Variants in SLC45A1 observed in about 807,000 individuals in gnomAD.
SLC45A1 encodes proton-associated sugar transporter A.
In SLC45A1, 28 loss-of-function variants were observed where a neutral mutation model predicts 57.6. The ratio of observed to expected loss-of-function variants is 0.49; its 90% CI spans 0.36 to 0.67. The LOEUF (loss-of-function observed/expected upper bound fraction) is 0.67. SLC45A1 is among the 30% of genes least tolerant of loss of function. The probability of loss-of-function intolerance (pLI) is 0.00; values close to 1 mark genes in which losing one functional copy is unlikely to be tolerated. For synonymous variants in SLC45A1, 459 were observed against 471.5 expected, an observed-to-expected ratio of 0.97 and a Z score of 0.34; for missense variants, 814 against 1,041.5, an observed-to-expected ratio of 0.78 and a Z score of 3.01.
intron 8 of SLC45A1, among the ~76,000 whole-genome samples, chr1:8,341,548 G>GTAA (rs1640817999): frequency 1.2e-5 from 1 of 84,528 alleles, no homozygotes; most frequent in Admixed American, 1.6e-4. Flanking sequence ...AAAAAAGATA[G>GTAA]TAATACTTTG....
chr1:8,327,062 G>T lies in SLC45A1; in HGVS notation c.715+1020G>T, dbSNP rs768399008. 1.5e-4 allele frequency among the ~76,000 whole-genome samples: 23 copies of T among 152,218 alleles called. No individual in the cohort carries two copies. Among genetic ancestry groups the T allele is most frequent in the Admixed American group, 2.6e-4 (4 of 15,288 alleles). On this transcript the variant is annotated intron_variant, in intron 4 of 8. Transcript: ENST00000471889. This position sits in a 1 kb window ranked among gnomAD's most constrained non-coding sequence, Gnocchi z 4.3. Reference sequence around the variant, plus strand: ...AGAAGGCAGAGCTCAGCCCTGCGGGGCCTCAGCTGGATCACGCACCCTTGG... The same window carrying T: ...AGAAGGCAGAGCTCAGCCCTGCGGGTCCTCAGCTGGATCACGCACCCTTGG...
chr1:8,338,615 G>A (rs1640701861), intron 7 of SLC45A1, among the ~76,000 whole-genome samples: 1 of 152,236 alleles, frequency 6.6e-6, no homozygotes, highest in Non-Finnish European at 1.5e-5. Context: ...GGCTTTGCCG[G>A]CCCAGCGGTC....
At chr1:8,318,799 G>T (rs1639904157) in intron 1 of SLC45A1, among the ~76,000 whole-genome samples, 1 of 152,210 alleles carries the variant, frequency 6.6e-6, no homozygotes, top group South Asian at 2.1e-4. Flanking sequence ...GGAAAGCCAC[G>T]TTCAGGCTGC....
chr1:8,339,465 C>T lies in SLC45A1; in HGVS notation c.1775-28C>T, dbSNP rs751576001. ...ATCCCCGGAGGCTCTGGCCGTGTGG[C>T]ACTGCTCACCCTCTCTGTGGCCCGC... On this transcript the variant is annotated intron_variant, in intron 7 of 8. Transcript: ENST00000471889. The T allele has an allele frequency of 7.4e-6, 12 of 1,611,538 alleles. No individual in the cohort carries two copies. In the South Asian group the frequency reaches 1.3e-4, roughly 18 times the overall value.
intron 4 of SLC45A1, among the ~76,000 whole-genome samples, chr1:8,329,546 G>A (rs565332249): frequency 3.3e-5 from 5 of 152,340 alleles, no homozygotes; most frequent in South Asian, 2.1e-4. Flanking sequence ...GCTGTTGGCC[G>A]GGTCCCCACA....
At position 8,335,132 on chromosome 1, in the gene SLC45A1, A is replaced by G. The variant is rs1292352109; in HGVS notation, c.1444-305A>G. Among the ~76,000 whole-genome samples the G allele has an allele frequency of 6.6e-6, 1 of 152,176 alleles. No homozygotes were observed. The highest frequency in any genetic ancestry group is 1.9e-4 in the East Asian group (1 of 5,190). On this transcript the variant is annotated intron_variant, in intron 5 of 8. Coordinates refer to ENST00000471889, the MANE Select transcript of SLC45A1 (RefSeq NM_001080397.3). The surrounding 1 kb of genome is among the most constrained non-coding windows in gnomAD (Gnocchi z 4.1). ...ACTGACCCATGTTTTTTCATTTCAA[A>G]TGTATTTTGCATTTTGCAAAGTCTT...
chr1:8,334,794 C>T (rs1405546516), intron 5 of SLC45A1, among the ~76,000 whole-genome samples: 4 of 152,200 alleles, frequency 2.6e-5, no homozygotes, highest in East Asian at 3.9e-4. Flanking sequence ...GGAATGAAAC[C>T]TTCTCGTTCC....
chr1:8,342,465 C>G (rs1378397374), intron 8 of SLC45A1, among the ~76,000 whole-genome samples: 1 of 152,188 alleles, frequency 6.6e-6, no homozygotes, highest in African/African-American at 2.4e-5. Flanking sequence ...GACCGCTAAC[C>G]TTCTTCCTGT....
At position 8,339,720 on chromosome 1, in the gene SLC45A1, G is replaced by A. The variant is rs773157169; in HGVS notation, c.1980+22G>A. On this transcript the variant is annotated intron_variant, in intron 8 of 8. Transcript: ENST00000471889. ...GAAGGTAAGTGCTCTCCCTTGTCTT[G>A]CTTCGGGTCTGCTTCTTGGAGAAAC... 25 of 1,606,980 alleles carry A rather than the reference G, an allele frequency of 1.6e-5. No homozygotes were observed. In the African/African-American group the frequency reaches 2.1e-4, roughly 14 times the overall value.
At chr1:8,323,723 C>T (rs1311996698) in intron 1 of SLC45A1, among the ~76,000 whole-genome samples, 2 of 152,238 alleles carry the variant, frequency 1.3e-5, no homozygotes, top group African/African-American at 4.8e-5. Context: ...TAAGCCCATT[C>T]AGCTGCCTTT....
rs752538342 is a variant in SLC45A1 at position 8,324,515 on chromosome 1, G to T, written c.186G>T (p.Pro62=). Residue 62 remains proline, a synonymous_variant, in exon 2 of 9, where the codon CCG becomes CCT. Transcript: ENST00000471889. The part of the protein sequence containing the change: ...RRKCIRPSPP[P]PPNTPCPLEL... ...AGTGCATTCGTCCCTCCCCACCCCC[G>T]CCCCCCAACACCCCGTGCCCGCTTG... is the stretch of plus-strand genomic sequence containing the variant. 1 of 687,674 alleles carries T rather than the reference G, an allele frequency of 1.5e-6. No individual in the cohort carries two copies. The highest frequency in any genetic ancestry group is 2.3e-5 in the South Asian group (1 of 42,828). 42.6% of individuals were successfully genotyped at this position (687,674 alleles called of 1,614,324 possible). A position where few individuals can be genotyped will look rare whatever the true frequency, so the allele number is the denominator to read the frequency against.
chr1:8,324,701 G>T lies in SLC45A1; in HGVS notation c.372G>T (p.Leu124=). 6.3e-7 allele frequency: 1 copy of T among 1,594,084 alleles called. No individual in the cohort carries two copies. The change falls in exon 2 of 9, where the codon CTG becomes CTT. Residue 124 remains leucine (L), a synonymous_variant. Coordinates refer to ENST00000471889, the MANE Select transcript of SLC45A1 (RefSeq NM_001080397.3). ...GCCTGCCCGACCAGCTCTACAGCCT[G>T]GTGTGGTTCATCAGCCCCATCCTCG... The part of the protein sequence containing the change: ...QMGLPDQLYS[L]VWFISPILGF...
At position 8,325,898 on chromosome 1, in the gene SLC45A1, T is replaced by C. The variant is rs759834229; in HGVS notation, c.571T>C (p.Trp191Arg). ...ALADVTGNHK[W>R]GLLLTVCGVV... is the part of the protein sequence containing the mutation. ...GGCTGACGTGACCGGGAACCACAAG[T>C]GGGGCCTGCTGCTGACCGTGTGCGG... Residue 191 changes from tryptophan (W) to arginine (R), a missense_variant, in exon 4 of 9, where the codon TGG becomes CGG. Coordinates refer to ENST00000471889, the MANE Select transcript of SLC45A1 (RefSeq NM_001080397.3). The surrounding 1 kb of genome is among the most constrained non-coding windows in gnomAD (Gnocchi z 6.3). 1.9e-6 allele frequency: 3 copies of C among 1,613,912 alleles called. No homozygotes were observed. The highest frequency in any genetic ancestry group is 2.5e-6 in the Non-Finnish European group (3 of 1,180,030).
rs539746850 is a variant in SLC45A1, at chr1:8,321,853, T to TGAGTGGATGGAA, written c.-24-2446_-24-2435dup. 3.6e-4 allele frequency among the ~76,000 whole-genome samples: 53 copies of TGAGTGGATGGAA among 147,634 alleles called. No individual in the cohort carries two copies. In the South Asian group the frequency reaches 0.011, roughly 31 times the overall value. ...AAAGATGGATGAATGGATGTGTGGG[T>TGAGTGGATGGAA]GAGTGGATGGAAGAGTGGCTGGTGG... On this transcript the variant is annotated intron_variant, in intron 1 of 8. Coordinates refer to ENST00000471889, the MANE Select transcript of SLC45A1 (RefSeq NM_001080397.3).
rs1640199549 is a variant in SLC45A1 at position 8,326,238 on chromosome 1, A to G, written c.715+196A>G. Among the ~76,000 whole-genome samples, 1 of 152,246 alleles carries G rather than the reference A, an allele frequency of 6.6e-6. No individual in the cohort carries two copies. The highest frequency in any genetic ancestry group is 2.1e-4 in the South Asian group (1 of 4,826). On this transcript the variant is annotated intron_variant, in intron 4 of 8. Coordinates refer to ENST00000471889, the MANE Select transcript of SLC45A1 (RefSeq NM_001080397.3). This position sits in a 1 kb window ranked among gnomAD's most constrained non-coding sequence, Gnocchi z 5.5. ...ACCACAACCTATGCTGTTGACACAT[A>G]AACAACAATTATAGGTCTATAAATT... is the stretch of plus-strand genomic sequence containing the variant.
intron 8 of SLC45A1, among the ~76,000 whole-genome samples, chr1:8,340,505 G>C (rs1640776516): frequency 6.6e-6 from 1 of 152,126 alleles, no homozygotes; most frequent in Non-Finnish European, 1.5e-5. Context: ...ATGTACTAGG[G>C]GTTCTGATAG....
chr1:8,321,543 C>G (rs1375578631), intron 1 of SLC45A1, among the ~76,000 whole-genome samples: 1 of 152,198 alleles, frequency 6.6e-6, no homozygotes, highest in East Asian at 1.9e-4. Flanking sequence ...AAGGCCCTTT[C>G]CTCCACCTTT....
chr1:8,322,998 C>A (rs1012860140), intron 1 of SLC45A1, among the ~76,000 whole-genome samples: 8 of 152,146 alleles, frequency 5.3e-5, no homozygotes, highest in Non-Finnish European at 1.0e-4. Flanking sequence ...AGAATCCATT[C>A]TGTTAATATT....
chr1:8,330,197 C>G lies in SLC45A1; in HGVS notation c.716-12C>G, dbSNP rs761337589. On this transcript the variant is annotated splice_polypyrimidine_tract_variant and intron_variant, in intron 4 of 8. Coordinates refer to ENST00000471889, the MANE Select transcript of SLC45A1 (RefSeq NM_001080397.3). This position sits in a 1 kb window ranked among gnomAD's most constrained non-coding sequence, Gnocchi z 8.4. ...CCGCAGAAGGGAACTCAAACCCTGTCTCTTTCCCCAGGTCTCGGAGGAGGC... is the reference window on the plus strand; with the variant it reads ...CCGCAGAAGGGAACTCAAACCCTGTGTCTTTCCCCAGGTCTCGGAGGAGGC... The G allele has an allele frequency of 4.5e-5, 72 of 1,609,718 alleles. No homozygotes were observed. The highest frequency in any genetic ancestry group is 6.0e-5 in the Non-Finnish European group (71 of 1,177,540).
Sources: allele counts gnomAD v4.1 joint callset (sites outside exome capture counted in the v4.1 genomes callset), GRCh38; gene constraint gnomAD v4.1.1; non-coding constraint Gnocchi (gnomAD v3.1); transcripts MANE v1.5; gene names NCBI Gene and HGNC (gene_info 2026-07-23, HGNC 2026-07-21).